ZNF345: variants seen among roughly 807,000 people sequenced by gnomAD.
ZNF345 encodes the protein zinc finger protein HZF10.
For synonymous variants in ZNF345, 166 were observed against 187.9 expected, an observed-to-expected ratio of 0.88 and a Z score of 0.95; for missense variants, 527 against 589.9, an observed-to-expected ratio of 0.89 and a Z score of 1.10.
chr19:36,887,196 C>CCAA (rs1555724959), intron 3 of ZNF345, among the ~76,000 whole-genome samples: 30 of 147,146 alleles, frequency 2.0e-4, no homozygotes, highest in South Asian at 6.5e-4. Flanking sequence ...ACCACCACCA[C>CCAA]CAACAACAAC....
intron 2 of ZNF345, chr19:36,863,110 G>A (rs1885596315): frequency 6.6e-6 from 1 of 152,174 alleles, no homozygotes; most frequent in South Asian, 2.1e-4. Context: ...AAACCATCCA[G>A]TCAGTGGTAT....
rs777150094 is a variant in ZNF345 at position 36,877,272 on chromosome 19, T to A, written c.442T>A (p.Cys148Ser). The A allele has an allele frequency of 1.4e-5, 22 of 1,613,826 alleles. No homozygotes were observed. In the Admixed American group the frequency reaches 2.8e-4, roughly 21 times the overall value. ...RIHTGEKPYE[C>S]KECGKAFSFG... Reference sequence around the variant, plus strand: ...TCATACTGGTGAGAAACCCTATGAGTGTAAGGAATGTGGGAAAGCCTTTAG... The same window carrying A: ...TCATACTGGTGAGAAACCCTATGAGAGTAAGGAATGTGGGAAAGCCTTTAG... The change falls in exon 3 of 3, where the codon TGT (cysteine) becomes AGT (serine). Residue 148 changes from cysteine (C) to serine (S), a missense_variant. Transcript: ENST00000420450.
intron 2 of ZNF345, chr19:36,862,785 AAAATTCAT>A (rs1339861489): frequency 6.6e-6 from 1 of 152,072 alleles, no homozygotes; most frequent in African/African-American, 2.4e-5. Context: ...TGTCCCTTCC[AAAATTCAT>A]ATCTTGAAAG....
intron 2 of ZNF345, 134 bp from the exon 3 acceptor site, chr19:36,876,651 A>G: frequency 2.2e-6 from 1 of 461,010 alleles, no homozygotes. Context: ...TTGCCCAGTC[A>G]TATGTGAGAA....
chr19:36,858,825 A>G (rs1418990999), intron 2 of ZNF345, among the ~76,000 whole-genome samples: 1 of 152,212 alleles, frequency 6.6e-6, no homozygotes, highest in Non-Finnish European at 1.5e-5. Flanking sequence ...ATGTACACTC[A>G]GGAATGAGAA....
chr19:36,882,509 C>T (rs987785889), downstream of ZNF345, among the ~76,000 whole-genome samples: 2 of 152,140 alleles, frequency 1.3e-5, no homozygotes, highest in South Asian at 2.1e-4. Context: ...CCTCGTGATC[C>T]GCCCGCCTCG....
chr19:36,888,542 A>G (rs1236249963), intron 3 of ZNF345: 1 of 152,208 alleles, frequency 6.6e-6, no homozygotes, highest in Non-Finnish European at 1.5e-5. Flanking sequence ...CTTTTAAAAA[A>G]GCATTCTTAA....
At chr19:36,852,116 TTTTC>T (rs991883187) in intron 2 of ZNF345, among the ~76,000 whole-genome samples, 71 of 144,628 alleles carry the variant, frequency 4.9e-4, no homozygotes, top group East Asian at 2.3e-3. Context: ...TTTCTTTTTT[TTTTC>T]TTTCTTTCTT....
intron 2 of ZNF345, among the ~76,000 whole-genome samples, chr19:36,858,819 A>G (rs1318702724): frequency 6.6e-6 from 1 of 152,164 alleles, no homozygotes; most frequent in Non-Finnish European, 1.5e-5. Flanking sequence ...ATTCTAATGT[A>G]CACTCAGGAA....
chr19:36,881,151 T>C (rs914097046), downstream of ZNF345, among the ~76,000 whole-genome samples: 2 of 152,218 alleles, frequency 1.3e-5, no homozygotes, highest in African/African-American at 4.8e-5. Flanking sequence ...CTTTACAGAT[T>C]ACAGGTTGAG....
At chr19:36,861,110 T>C (rs144415392) in intron 2 of ZNF345, among the ~76,000 whole-genome samples, 339 of 152,348 alleles carry the variant, frequency 2.2e-3, no homozygotes, top group African/African-American at 7.6e-3. Flanking sequence ...TTTATTTTTA[T>C]ACTCAAGTTG....
downstream of ZNF345, among the ~76,000 whole-genome samples, chr19:36,882,519 G>A (rs1043664331): frequency 1.3e-5 from 2 of 152,024 alleles, no homozygotes; most frequent in Non-Finnish European, 2.9e-5. Context: ...CGCCCGCCTC[G>A]GCCTCCCAAA....
intron 2 of ZNF345, among the ~76,000 whole-genome samples, chr19:36,855,009 GCCCA>G (rs1175200752): frequency 5.9e-5 from 9 of 151,306 alleles, no homozygotes; most frequent in African/African-American, 2.2e-4. Context: ...CCGCCACCAT[GCCCA>G]GCTAATTTTT....
rs902150512 is a variant in ZNF345 at position 36,853,245 on chromosome 19, C to CTTTTT, written c.-47+1357_-47+1361dup. On this transcript the variant is annotated intron_variant, in intron 2 of 2. Coordinates refer to ENST00000420450, the MANE Select transcript of ZNF345 (RefSeq NM_001242472.2). ...AGCCAAAAGCTTGCTTTCTTTCTTT[C>CTTTTT]TTTTTTTTTTTTTTTTTTTTGACTC... Among the ~76,000 whole-genome samples the CTTTTT allele has an allele frequency of 3.0e-3, 324 of 106,358 alleles. 1 individual carries two copies. The highest frequency in any genetic ancestry group is 5.3e-3 in the African/African-American group (145 of 27,156). The allele number at this position is 106,358 out of a possible 152,430, so 69.8% of individuals were successfully genotyped here.
intron 3 of ZNF345, among the ~76,000 whole-genome samples, chr19:36,884,849 T>G (rs1384560523): frequency 6.6e-6 from 1 of 151,996 alleles, no homozygotes; most frequent in Non-Finnish European, 1.5e-5. Context: ...GACCTCTCTT[T>G]GGGTGAAGTT....
Position 36,877,049 on chromosome 19 carries a change from T to G in ZNF345, c.219T>G (p.Phe73Leu), listed in dbSNP as rs749259274. ...AGGAATGTGGGAAGGATTTTAGTTT[T>G]GTATCAGTCCTTGTTCGACATCAGC... ...ECKECGKDFS[F>L]VSVLVRHQRI... Residue 73 changes from phenylalanine to leucine, a missense_variant, in exon 3 of 3, where the codon TTT (phenylalanine) becomes TTG (leucine). Phe to Leu is a conservative substitution (Grantham distance 22). Coordinates refer to ENST00000420450, the MANE Select transcript of ZNF345 (RefSeq NM_001242472.2). The G allele has an allele frequency of 6.2e-7, 1 of 1,614,158 alleles. No individual in the cohort carries two copies. The highest frequency in any genetic ancestry group is 1.1e-5 in the South Asian group (1 of 91,078).
At chr19:36,892,385 T>G in intron 3 of ZNF345, 1 of 1,613,062 alleles carries the variant, frequency 6.2e-7, no homozygotes, top group Non-Finnish European at 8.5e-7. Flanking sequence ...TGAATAAAAG[T>G]AGACATGTCT....
chr19:36,857,593 G>A (rs2072450132), intron 2 of ZNF345, among the ~76,000 whole-genome samples: 1 of 152,150 alleles, frequency 6.6e-6, no homozygotes, highest in African/African-American at 2.4e-5. Context: ...ACAGGCGTGA[G>A]CCACTGCTTA....
chr19:36,872,631 C>T (rs1364391145), intron 2 of ZNF345: 2 of 152,906 alleles, frequency 1.3e-5, no homozygotes, highest in Non-Finnish European at 2.9e-5. Context: ...CTTGTACAGC[C>T]TGCAGAACTG....
Sources: gnomAD v4.1 joint callset for allele counts (sites outside exome capture counted in the v4.1 genomes callset) on GRCh38, gnomAD v4.1.1 for gene constraint, MANE v1.5 for transcripts, NCBI Gene and HGNC (gene_info 2026-07-23, HGNC 2026-07-21) for gene names.